The following ARHGAP44 variants were observed in gnomAD, a reference collection of about 807,000 sequenced individuals.
ARHGAP44 encodes rho GTPase-activating protein 44.
In ARHGAP44, 43 loss-of-function variants were observed where a neutral mutation model predicts 106.8. The observed-to-expected ratio is 0.40, with a 90% CI of 0.32 to 0.52. The LOEUF is 0.52. ARHGAP44 is among the 20% of genes least tolerant of loss of function. The probability of loss-of-function intolerance (pLI) is 0.48; values close to 1 mark genes in which losing one functional copy is unlikely to be tolerated. For missense variants in ARHGAP44, 866 were observed against 1,050.5 expected, an observed-to-expected ratio of 0.82 and a Z score of 2.43; for synonymous variants, 439 against 410.3, an observed-to-expected ratio of 1.07 and a Z score of -0.85.
intron 16 of ARHGAP44, among the ~76,000 whole-genome samples, chr17:12,964,914 A>G (rs1413743885): frequency 6.6e-6 from 1 of 152,102 alleles, no homozygotes; most frequent in African/African-American, 2.4e-5. Flanking sequence ...ACGACCTGCA[A>G]GATGCCCATC....
At chr17:12,901,916 C>T (rs908489062) in intron 3 of ARHGAP44, among the ~76,000 whole-genome samples, 2 of 152,158 alleles carry the variant, frequency 1.3e-5, no homozygotes, top group Non-Finnish European at 2.9e-5. Flanking sequence ...CAAAGAATTT[C>T]CATTTGGCTT....
intron 3 of ARHGAP44, among the ~76,000 whole-genome samples, chr17:12,906,641 A>G (rs2037558363): frequency 6.6e-6 from 1 of 152,226 alleles, no homozygotes; most frequent in South Asian, 2.1e-4. Context: ...CACCATTAGA[A>G]GTAAGTTCTG....
Position 12,913,878 on chromosome 17 carries a change from A to AGAATTGC in ARHGAP44, c.276-2021_276-2015dup, listed in dbSNP as rs566831800. On this transcript the variant is annotated intron_variant, in intron 4 of 20. Coordinates refer to ENST00000379672, the MANE Select transcript of ARHGAP44 (RefSeq NM_014859.6). ...CAGCCACTCGGGAGGCTGAAGCAAGAGAATTGCTTGCACCCGGGAGGTGGA... is the reference window on the plus strand; with the variant it reads ...CAGCCACTCGGGAGGCTGAAGCAAGAGAATTGCGAATTGCTTGCACCCGGGAGGTGGA... Among the ~76,000 whole-genome samples, 416 of 144,954 alleles carry AGAATTGC rather than the reference A, an allele frequency of 2.9e-3. 3 individuals are homozygous for AGAATTGC. The highest frequency in any genetic ancestry group is 0.011 in the Middle Eastern group (3 of 272).
chr17:12,987,354 CT>C (rs2039987167), intron 20 of ARHGAP44: 2 of 486,888 alleles, frequency 4.1e-6, no homozygotes, highest in Non-Finnish European at 7.3e-6. Flanking sequence ...CCTTTTCTTT[CT>C]TTTCATTAGG....
intron 1 of ARHGAP44, among the ~76,000 whole-genome samples, chr17:12,819,320 T>G (rs996596667): frequency 1.3e-5 from 2 of 152,114 alleles, no homozygotes; most frequent in African/African-American, 4.8e-5. Flanking sequence ...ATGCCATAAT[T>G]TGTTTATCCA....
In ARHGAP44 at chr17:12,919,824, C is replaced by T; in HGVS notation, c.457C>T (p.Arg153Ter). Residue 153 changes from arginine to a stop codon, truncating the protein, a stop_gained, in exon 6 of 21, where the codon CGA becomes TGA. Transcript: ENST00000379672. LOFTEE classifies it high-confidence loss of function. Reference sequence around the variant, plus strand: ...GTTGGTGCTGGACATGGATTCCTCACGAACCAGGTAGAATCTCTTTACTTT... The same window carrying T: ...GTTGGTGCTGGACATGGATTCCTCATGAACCAGGTAGAATCTCTTTACTTT... ...AKLVLDMDSS[R>*]TRWQQTSKSS... is the part of the protein sequence containing the mutation. The T allele has an allele frequency of 1.2e-6, 2 of 1,612,248 alleles. No individual in the cohort carries two copies. Among genetic ancestry groups the T allele is most frequent in the Non-Finnish European group, 1.7e-6 (2 of 1,179,088 alleles).
chr17:12,886,964 G>GTTTTTTTT (rs769468845), intron 1 of ARHGAP44, among the ~76,000 whole-genome samples: 2 of 109,004 alleles, frequency 1.8e-5, no homozygotes, highest in African/African-American at 3.9e-5. Flanking sequence ...TTTTCTAAGA[G>GTTTTTTTT]TTTTTTTTTT....
intron 8 of ARHGAP44, 82 bp from the exon 9 acceptor site, chr17:12,943,506 T>C (rs761325277): frequency 6.4e-5 from 88 of 1,365,958 alleles, no homozygotes; most frequent in Non-Finnish European, 8.6e-5. Context: ...TGGAAGCACC[T>C]TTCTGCAAAA....
chr17:12,799,160 TA>T (rs2034012969), intron 1 of ARHGAP44, among the ~76,000 whole-genome samples: 1 of 152,202 alleles, frequency 6.6e-6, no homozygotes, highest in Admixed American at 6.5e-5. Context: ...TGTTTTCTAG[TA>T]AATTCTGCTT....
intron 1 of ARHGAP44, among the ~76,000 whole-genome samples, chr17:12,810,507 G>C (rs1368568630): frequency 6.6e-6 from 1 of 152,164 alleles, no homozygotes; most frequent in Non-Finnish European, 1.5e-5. Context: ...TCACCAGAAA[G>C]GACAACCATG....
At chr17:12,809,180 A>G (rs2034365759) in intron 1 of ARHGAP44, among the ~76,000 whole-genome samples, 1 of 152,204 alleles carries the variant, frequency 6.6e-6, no homozygotes, top group Non-Finnish European at 1.5e-5. Context: ...GTCTCTAGGA[A>G]GTTCCAAACT....
At chr17:12,977,961 C>T (rs868558838) in intron 18 of ARHGAP44, among the ~76,000 whole-genome samples, 6 of 140,462 alleles carry the variant, frequency 4.3e-5, no homozygotes, top group African/African-American at 1.6e-4. Flanking sequence ...TCGCTTGAAC[C>T]TGGGAGGCAG....
chr17:12,965,677 G>A (rs115341898), intron 16 of ARHGAP44, among the ~76,000 whole-genome samples: 70 of 152,282 alleles, frequency 4.6e-4, no homozygotes, highest in African/African-American at 1.6e-3. Flanking sequence ...ACTTCTTAGA[G>A]TCTTTAACAT....
At chr17:12,845,520 A>AACC (rs1567645099) in intron 1 of ARHGAP44, among the ~76,000 whole-genome samples, 1 of 135,068 alleles carries the variant, frequency 7.4e-6, no homozygotes, top group African/African-American at 3.2e-5. Flanking sequence ...AAAAAAAAAA[A>AACC]AACAAAAAAA....
intron 1 of ARHGAP44, among the ~76,000 whole-genome samples, chr17:12,791,671 TG>T (rs1290255440): frequency 1.3e-5 from 2 of 152,106 alleles, no homozygotes; most frequent in Non-Finnish European, 2.9e-5. Flanking sequence ...GCCTCATCCA[TG>T]GGGGGAATGC....
At chr17:12,909,468 A>T (rs964794023) in intron 4 of ARHGAP44, among the ~76,000 whole-genome samples, 1 of 152,232 alleles carries the variant, frequency 6.6e-6, no homozygotes, top group Non-Finnish European at 1.5e-5. Context: ...AGAATCCTTG[A>T]CAAGAGAATC....
chr17:12,930,103 T>C (rs891403776), intron 7 of ARHGAP44, among the ~76,000 whole-genome samples: 1 of 152,258 alleles, frequency 6.6e-6, no homozygotes, highest in Non-Finnish European at 1.5e-5. Context: ...TTTTTGTGAG[T>C]GCAGCTGATT....
intron 20 of ARHGAP44, chr17:12,988,134 C>T (rs1300483572): frequency 6.6e-6 from 1 of 152,210 alleles, no homozygotes; most frequent in African/African-American, 2.4e-5. Flanking sequence ...AGGGCTTCTG[C>T]CCCTGAATCC....
intron 1 of ARHGAP44, among the ~76,000 whole-genome samples, chr17:12,798,176 G>A (rs1053530989): frequency 2.6e-5 from 4 of 151,976 alleles, no homozygotes; most frequent in African/African-American, 7.2e-5. Flanking sequence ...CTCTCTGGTG[G>A]TTTATACTTG....
Sources: gnomAD v4.1 joint callset for allele counts (sites outside exome capture counted in the v4.1 genomes callset) on GRCh38, gnomAD v4.1.1 for gene constraint, MANE v1.5 for transcripts, NCBI Gene and HGNC (gene_info 2026-07-23, HGNC 2026-07-21) for gene names.